Variants in CD48 observed in about 807,000 individuals in gnomAD.
CD48 encodes CD48 molecule.
In CD48, 20 loss-of-function variants were observed where a neutral mutation model predicts 22.0. The observed-to-expected ratio is 0.91, with a 90% CI of 0.64 to 1.32. The LOEUF (loss-of-function observed/expected upper bound fraction) is 1.32. CD48 is among the 40% of genes most tolerant of loss of function. The probability of loss-of-function intolerance (pLI) is 0.00; values close to 1 mark genes in which losing one functional copy is unlikely to be tolerated. For missense variants in CD48, 307 were observed against 286.5 expected (o/e 1.07, Z -0.52); for synonymous variants, 110 against 110.1 (o/e 1.00, Z 0.01).
At chr1:160,687,079 G>C (rs919774906) in intron 1 of CD48, among the ~76,000 whole-genome samples, 3 of 152,136 alleles carry the variant, frequency 2.0e-5, no homozygotes, top group Admixed American at 6.5e-5. Flanking sequence ...TGGGGGTGCT[G>C]TTTATAAGCC....
chr1:160,701,595 A>G lies in CD48; in HGVS notation c.82+10087T>C, dbSNP rs967125645. Among the ~76,000 whole-genome samples the G allele has an allele frequency of 4.7e-4, 72 of 152,114 alleles. 3 individuals carry two copies. The highest frequency in any genetic ancestry group is 7.2e-5 in the African/African-American group (3 of 41,416). On this transcript the variant is annotated intron_variant, in intron 1 of 3. Transcript: ENST00000368046. Reference sequence around the variant, plus strand: ...AGGAACAAACCTTATATTTTCCATCATATGCTGACTGGGAGCACTAGAAGA... The same window carrying G: ...AGGAACAAACCTTATATTTTCCATCGTATGCTGACTGGGAGCACTAGAAGA...
intron 1 of CD48, among the ~76,000 whole-genome samples, chr1:160,688,733 C>T (rs1471586834): frequency 1.3e-5 from 2 of 152,086 alleles, no homozygotes; most frequent in Admixed American, 6.5e-5. Context: ...TCATACGAGG[C>T]TTGGGGGGCG....
chr1:160,680,471 A>G, intron 3 of CD48: 1 of 524,192 alleles, frequency 1.9e-6, no homozygotes, highest in Non-Finnish European at 2.4e-6. Flanking sequence ...GACTTGGGGA[A>G]GCTAAGTAAC....
intron 2 of CD48, among the ~76,000 whole-genome samples, chr1:160,682,453 C>A (rs1159742463): frequency 3.3e-5 from 4 of 121,934 alleles, no homozygotes; most frequent in Admixed American, 9.2e-5. Context: ...AAGGAGAAGA[C>A]CTTCAAAAAA....
At chr1:160,699,046 A>C (rs1175624527) in intron 1 of CD48, 1 of 153,766 alleles carries the variant, frequency 6.5e-6, no homozygotes, top group Non-Finnish European at 1.4e-5. Flanking sequence ...AAAAGGGGGA[A>C]ATGTGGGGAA....
chr1:160,680,564 T>C (rs1179439797), intron 3 of CD48: 1 of 991,340 alleles, frequency 1.0e-6, no homozygotes, highest in East Asian at 1.1e-4. Context: ...TGTCCCATGC[T>C]AGCACCAGTG....
chr1:160,683,408 C>G (rs1055013353), intron 2 of CD48: 2 of 152,094 alleles, frequency 1.3e-5, no homozygotes, highest in African/African-American at 4.8e-5. Flanking sequence ...TTTTTAAGTA[C>G]TCAGAAATTT....
At chr1:160,695,350 G>T (rs1159698543) in intron 1 of CD48, among the ~76,000 whole-genome samples, 1 of 152,270 alleles carries the variant, frequency 6.6e-6, no homozygotes, top group Admixed American at 6.5e-5. Context: ...TAAATTAATT[G>T]ACTGTTATAC....
intron 1 of CD48, among the ~76,000 whole-genome samples, chr1:160,689,553 T>G (rs569480108): frequency 6.6e-6 from 1 of 151,946 alleles, no homozygotes; most frequent in Non-Finnish European, 1.5e-5. Flanking sequence ...ATGGTGAGAT[T>G]TTTAGGTTTG....
rs376049501 is a variant in CD48, at chr1:160,685,170, G to A, written c.102C>T (p.Thr34=). 41 of 1,609,816 alleles carry A rather than the reference G, an allele frequency of 2.5e-5. No individual in the cohort carries two copies. The highest frequency in any genetic ancestry group is 4.5e-5 in the East Asian group (2 of 44,800). ...GAGTCACGTTGCTGCCGGAGACCAC[G>A]GTCATATGTACCAAGTGACCTGCCA... ...TSIQGHLVHM[T]VVSGSNVTLN... is the part of the protein sequence containing the mutation. Residue 34 remains threonine (T), a synonymous_variant, in exon 2 of 4, where the codon ACC becomes ACT. Coordinates refer to ENST00000368046, the MANE Select transcript of CD48 (RefSeq NM_001778.4).
Position 160,679,045 on chromosome 1 carries a change from G to C in CD48, c.*7C>G. Reference sequence around the variant, plus strand: ...TTGAAGTTTCGCTTGAGTTAAAAGAGCTCATCTCAGGTAAGTAACAGGCCA... The same window carrying C: ...TTGAAGTTTCGCTTGAGTTAAAAGACCTCATCTCAGGTAAGTAACAGGCCA... On this transcript the variant is annotated 3_prime_UTR_variant, in exon 4 of 4. Transcript: ENST00000368046. The C allele has an allele frequency of 6.2e-7, 1 of 1,609,912 alleles. No individual in the cohort carries two copies. The highest frequency in any genetic ancestry group is 1.1e-5 in the South Asian group (1 of 90,988).
chr1:160,678,863 T>C lies in CD48; in HGVS notation c.*189A>G. ...TGTGTATCTCTATATCTCTGTGTAC[T>C]AGAAAACAACAAAGGGATATAAAAT... On this transcript the variant is annotated 3_prime_UTR_variant, in exon 4 of 4. Transcript: ENST00000368046. 1 of 558,620 alleles carries C rather than the reference T, an allele frequency of 1.8e-6. No homozygotes were observed. The highest frequency in any genetic ancestry group is 2.9e-5 in the East Asian group (1 of 34,970). The allele number at this position is 558,620 out of a possible 1,614,324, so 34.6% of individuals were successfully genotyped here.
intron 3 of CD48, among the ~76,000 whole-genome samples, chr1:160,679,646 C>G (rs1174811990): frequency 1.3e-5 from 2 of 151,792 alleles, no homozygotes; most frequent in Non-Finnish European, 2.9e-5. Context: ...AAGGGCTGAG[C>G]TGGAGAAAAT....
Position 160,701,158 on chromosome 1 carries a change from A to G in CD48, c.82+10524T>C, listed in dbSNP as rs1420848514. Among the ~76,000 whole-genome samples, 3 of 112,970 alleles carry G rather than the reference A, an allele frequency of 2.7e-5. No homozygotes were observed. The Admixed American group carries it at 3.2e-4, about 12-fold the overall frequency. 74.1% of individuals were successfully genotyped at this position (112,970 alleles called of 152,430 possible). ...GTAAAAGCAAATTTTTCACAATCTG[A>G]TTTATGTAAAGCAATATAAAAAAAA... On this transcript the variant is annotated intron_variant, in intron 1 of 3. Coordinates refer to ENST00000368046, the MANE Select transcript of CD48 (RefSeq NM_001778.4).
chr1:160,688,550 A>G (rs1250590952), intron 1 of CD48, among the ~76,000 whole-genome samples: 2 of 152,244 alleles, frequency 1.3e-5, no homozygotes, highest in African/African-American at 2.4e-5. Flanking sequence ...GTATGGGAAT[A>G]GTCAGGTTGG....
At position 160,679,098 on chromosome 1, in the gene CD48, C is replaced by A; in HGVS notation, c.686G>T (p.Trp229Leu). The A allele has an allele frequency of 6.2e-7, 1 of 1,614,144 alleles. No homozygotes were observed. Among genetic ancestry groups the A allele is most frequent in the South Asian group, 1.1e-5 (1 of 91,078 alleles). Residue 229 changes from tryptophan (W) to leucine (L), a missense_variant, in exon 4 of 4, where the codon TGG becomes TTG. Physicochemically the swap from Trp to Leu is moderately conservative, Grantham distance 61. Transcript: ENST00000368046. ...RSFGVEWIAS[W>L]LVVTVPTILG... ...AATGGTGGGCACCGTGACCACTAGC[C>A]AACTTGCAATCCATTCTACTCCAAA...
chr1:160,697,261 A>T (rs1189946131), intron 1 of CD48, among the ~76,000 whole-genome samples: 1 of 152,304 alleles, frequency 6.6e-6, no homozygotes, highest in Non-Finnish European at 1.5e-5. Flanking sequence ...CTGTTTGGAT[A>T]CCCACTAGAC....
At chr1:160,688,573 C>T (rs2102411109) in intron 1 of CD48, among the ~76,000 whole-genome samples, 1 of 152,294 alleles carries the variant, frequency 6.6e-6, no homozygotes, top group African/African-American at 2.4e-5. Flanking sequence ...GTAAGTAAAG[C>T]AGAATGTCTG....
chr1:160,679,227 A>C, intron 3 of CD48, 96 bp from the exon 4 acceptor site: 21 of 922,304 alleles, frequency 2.3e-5, no homozygotes, highest in Non-Finnish European at 3.5e-5. Flanking sequence ...GTGGGAGCTC[A>C]CAGAGCAGGG....
Sources: gnomAD v4.1 joint callset for allele counts (sites outside exome capture counted in the v4.1 genomes callset) on GRCh38, gnomAD v4.1.1 for gene constraint, MANE v1.5 for transcripts, NCBI Gene and HGNC (gene_info 2026-07-23, HGNC 2026-07-21) for gene names.